The following FMN1 variants were observed in gnomAD, a reference collection of about 807,000 sequenced individuals.
The protein encoded by FMN1 is formin-1.
A neutral mutation model predicts 132.4 loss-of-function variants in FMN1; 110 were observed. The observed-to-expected ratio is 0.83, with a 90% CI of 0.71 to 0.97. FMN1 has a LOEUF of 0.97. Among genes scored for constraint, FMN1 ranks in the 50% least tolerant of loss-of-function variants. The pLI, the probability that FMN1 is intolerant of heterozygous loss-of-function variation, is 0.00. For missense variants in FMN1, 1,792 were observed against 1,705.3 expected, an observed-to-expected ratio of 1.05 and a Z score of -0.90; for synonymous variants, 722 against 651.7, an observed-to-expected ratio of 1.11 and a Z score of -1.64.
At chr15:33,189,240 A>G (rs191504987) in intron 2 of FMN1, among the ~76,000 whole-genome samples, 2 of 152,314 alleles carry the variant, frequency 1.3e-5, no homozygotes, top group African/African-American at 2.4e-5. Flanking sequence ...AGTCTCCTGT[A>G]AGTAGAAGGT....
chr15:32,803,959 C>G (rs1331133695), intron 18 of FMN1, among the ~76,000 whole-genome samples: 2 of 152,134 alleles, frequency 1.3e-5, no homozygotes, highest in African/African-American at 4.8e-5. Context: ...ATAGTCTTAA[C>G]ACATGGGGCC....
chr15:33,016,761 C>T (rs1469008889), intron 6 of FMN1, among the ~76,000 whole-genome samples: 1 of 152,170 alleles, frequency 6.6e-6, no homozygotes, highest in Non-Finnish European at 1.5e-5. Context: ...AAGCCTCACC[C>T]CTCCTTCTTC....
At chr15:32,969,714 T>A (rs115813460) in intron 7 of FMN1, among the ~76,000 whole-genome samples, 2,074 of 152,290 alleles carry the variant, frequency 0.014, 43 homozygotes, top group African/African-American at 0.047. Context: ...TCACGGGAGA[T>A]AATTTTCATG....
rs188445537 is a variant in FMN1 at position 33,037,793 on chromosome 15, C to G, written c.2161+27164G>C. ...ATAAACTAGAACGGTGTTCTTCAAACTCTTTTGCTTAAACACTTACTAAGA... is the reference window on the plus strand; with the variant it reads ...ATAAACTAGAACGGTGTTCTTCAAAGTCTTTTGCTTAAACACTTACTAAGA... On this transcript the variant is annotated intron_variant, in intron 6 of 20. Transcript: ENST00000616417. 2.6e-5 allele frequency among the ~76,000 whole-genome samples: 4 copies of G among 152,316 alleles called. No homozygotes were observed. The East Asian group carries it at 7.7e-4, about 29-fold the overall frequency.
chr15:33,117,978 T>A (rs2039991641), intron 4 of FMN1, among the ~76,000 whole-genome samples: 1 of 152,050 alleles, frequency 6.6e-6, no homozygotes. Flanking sequence ...GAAAGAAAAT[T>A]GTTGTTAATT....
chr15:33,010,684 A>G (rs2034665499), intron 6 of FMN1, among the ~76,000 whole-genome samples: 2 of 152,172 alleles, frequency 1.3e-5, no homozygotes, highest in African/African-American at 4.8e-5. Flanking sequence ...AAAAATCTAA[A>G]AGATCCAACT....
At chr15:32,834,190 T>TC (rs1302275900) in intron 17 of FMN1, among the ~76,000 whole-genome samples, 13 of 152,196 alleles carry the variant, frequency 8.5e-5, no homozygotes, top group Admixed American at 4.6e-4. Flanking sequence ...GTCTGGTTCT[T>TC]TGGAAAAAAA....
At chr15:33,165,163 G>A (rs1456696776) in intron 3 of FMN1, among the ~76,000 whole-genome samples, 1 of 152,210 alleles carries the variant, frequency 6.6e-6, no homozygotes, top group Non-Finnish European at 1.5e-5. Context: ...CTAAAGGTGG[G>A]CTTAGTACAT....
chr15:32,910,456 T>TA lies in FMN1; in HGVS notation c.3288+17dup. Reference sequence around the variant, plus strand: ...GATAAATATGGAAATACTAGCTCTGTAAGTCTTTGACACTCACGTTTTCAT... The same window carrying TA: ...GATAAATATGGAAATACTAGCTCTGTAAAGTCTTTGACACTCACGTTTTCAT... On this transcript the variant is annotated intron_variant, in intron 11 of 20. Coordinates refer to ENST00000616417, the MANE Select transcript of FMN1 (RefSeq NM_001277313.2). 1 of 1,550,390 alleles carries TA rather than the reference T, an allele frequency of 6.4e-7. No individual in the cohort carries two copies. Among genetic ancestry groups the TA allele is most frequent in the Non-Finnish European group, 8.8e-7 (1 of 1,139,898 alleles).
chr15:33,010,656 C>G (rs2034664266), intron 6 of FMN1, among the ~76,000 whole-genome samples: 1 of 152,014 alleles, frequency 6.6e-6, no homozygotes, highest in Non-Finnish European at 1.5e-5. Context: ...GTATTATTCT[C>G]TATGTTCATA....
intron 4 of FMN1, among the ~76,000 whole-genome samples, chr15:33,148,691 C>G (rs889045736): frequency 1.3e-5 from 2 of 152,182 alleles, no homozygotes; most frequent in African/African-American, 2.4e-5. Context: ...CCTTCCCTTG[C>G]GCCTTCAGCC....
intron 6 of FMN1, among the ~76,000 whole-genome samples, chr15:33,036,318 TA>T (rs57096653): frequency 0.36 from 54,661 of 152,038 alleles, 10,418 homozygotes; most frequent in Admixed American, 0.47. Flanking sequence ...ACACTTGAAA[TA>T]AAATTATTTG....
At chr15:32,856,648 T>C (rs1401171995) in intron 17 of FMN1, among the ~76,000 whole-genome samples, 1 of 152,230 alleles carries the variant, frequency 6.6e-6, no homozygotes, top group Non-Finnish European at 1.5e-5. Context: ...CCTGTCCAGG[T>C]TGACCACAAA....
rs61200336 is a variant in FMN1 at position 33,100,223 on chromosome 15, T to TA, written c.1868-11250dup. The stretch of plus-strand genomic sequence containing the variant: ...AGCCTAGAGTCTTAAACTTTCACAG[T>TA]AAAAAAAAAAAAAAAAAAAGGTAGG... On this transcript the variant is annotated intron_variant, in intron 4 of 20. Coordinates refer to ENST00000616417, the MANE Select transcript of FMN1 (RefSeq NM_001277313.2). 3.6e-3 allele frequency among the ~76,000 whole-genome samples: 411 copies of TA among 115,432 alleles called. 3 individuals are homozygous for TA. Among genetic ancestry groups the TA allele is most frequent in the Middle Eastern group, 0.019 (4 of 208 alleles). The allele number at this position is 115,432 out of a possible 152,430, so 75.7% of individuals were successfully genotyped here.
At chr15:32,931,197 T>A (rs906677868) in intron 9 of FMN1, among the ~76,000 whole-genome samples, 2 of 152,158 alleles carry the variant, frequency 1.3e-5, no homozygotes, top group Non-Finnish European at 2.9e-5. Context: ...CCATACAAAT[T>A]TTAGGATTGT....
In FMN1 at chr15:33,139,314, T is replaced by G. The variant is rs939197764; in HGVS notation, c.1867+13734A>C. 2.0e-5 allele frequency among the ~76,000 whole-genome samples: 3 copies of G among 152,196 alleles called. No homozygotes were observed. The East Asian group carries it at 5.8e-4, about 29-fold the overall frequency. ...AAATAAATACCTAAATAGCTGTTGT[T>G]GGCCGGGCACGGTGGCGCACGCCTG... On this transcript the variant is annotated intron_variant, in intron 4 of 20. Coordinates refer to ENST00000616417, the MANE Select transcript of FMN1 (RefSeq NM_001277313.2).
intron 6 of FMN1, among the ~76,000 whole-genome samples, chr15:33,041,616 A>C (rs1040315825): frequency 3.9e-5 from 6 of 152,174 alleles, no homozygotes; most frequent in African/African-American, 1.4e-4. Flanking sequence ...GCAAATGAAA[A>C]GATGCTCAAC....
chr15:32,896,665 TG>T (rs1179795631), intron 15 of FMN1, among the ~76,000 whole-genome samples: 1 of 152,198 alleles, frequency 6.6e-6, no homozygotes, highest in Non-Finnish European at 1.5e-5. Context: ...ATGCAGTATT[TG>T]CCCTTCTGTG....
intron 4 of FMN1, among the ~76,000 whole-genome samples, chr15:33,090,685 C>CA (rs1439260193): frequency 2.0e-5 from 3 of 152,188 alleles, no homozygotes; most frequent in African/African-American, 7.2e-5. Context: ...TGTCTACAGA[C>CA]AGTCTTCTGG....
Sources: allele counts gnomAD v4.1 joint callset (sites outside exome capture counted in the v4.1 genomes callset), GRCh38; gene constraint gnomAD v4.1.1; transcripts MANE v1.5; gene names NCBI Gene and HGNC (gene_info 2026-07-23, HGNC 2026-07-21).